Variants in OTUD7A observed in about 807,000 individuals in gnomAD.
OTUD7A encodes OTU deubiquitinase 7A.
A neutral mutation model predicts 65.7 loss-of-function variants in OTUD7A; 12 were observed. The ratio of observed to expected loss-of-function variants is 0.18; its 90% confidence interval spans 0.12 to 0.30. The LOEUF (loss-of-function observed/expected upper bound fraction) is 0.30, where lower values mean the gene tolerates loss of function less well. Ranked by LOEUF, OTUD7A falls within the 10% of genes least tolerant of loss-of-function variation. The pLI is 1.00. For synonymous variants in OTUD7A, 641 were observed against 586.3 expected, an observed-to-expected ratio of 1.09 and a Z score of -1.35; for missense variants, 1,148 against 1,304.8, an observed-to-expected ratio of 0.88 and a Z score of 1.85.
At chr15:31,699,702 CCA>C (rs1399826560) in intron 1 of OTUD7A, among the ~76,000 whole-genome samples, 1 of 151,962 alleles carries the variant, frequency 6.6e-6, no homozygotes, top group Non-Finnish European at 1.5e-5. Context: ...CTCAGTGTGT[CCA>C]CACTGCTTGC....
chr15:31,682,996 CT>C (rs1334450572), intron 1 of OTUD7A, among the ~76,000 whole-genome samples: 1 of 152,152 alleles, frequency 6.6e-6, no homozygotes, highest in African/African-American at 2.4e-5. Context: ...TTCCAGTGGG[CT>C]GGTTGCTTAT....
chr15:31,717,927 A>G (rs4779916), intron 1 of OTUD7A, among the ~76,000 whole-genome samples: 149,646 of 152,258 alleles, frequency 0.98, 73,598 homozygotes, highest in East Asian at 1. Flanking sequence ...TTTAATGATC[A>G]CCATTCTAAC....
At chr15:31,829,810 C>T (rs1896887208) in intron 1 of OTUD7A, among the ~76,000 whole-genome samples, 1 of 152,220 alleles carries the variant, frequency 6.6e-6, no homozygotes, top group African/African-American at 2.4e-5. Context: ...CTGTTCCTTA[C>T]ACCTGAGTCT....
chr15:31,637,995 A>C (rs1379180594), intron 3 of OTUD7A, among the ~76,000 whole-genome samples: 1 of 152,268 alleles, frequency 6.6e-6, no homozygotes, highest in Admixed American at 6.5e-5. Context: ...CATTTGATAA[A>C]GCAGCAGCAA....
At chr15:31,493,612 C>T (rs1466098782) in intron 10 of OTUD7A, among the ~76,000 whole-genome samples, 1 of 152,192 alleles carries the variant, frequency 6.6e-6, no homozygotes, top group East Asian at 1.9e-4. Context: ...CAACACAGAA[C>T]ATATTCTTAG....
chr15:31,843,443 T>C (rs1427003258), intron 1 of OTUD7A, among the ~76,000 whole-genome samples: 1 of 152,138 alleles, frequency 6.6e-6, no homozygotes, highest in Non-Finnish European at 1.5e-5. Flanking sequence ...TCCACACCTA[T>C]GCTACTTTTC....
intron 1 of OTUD7A, among the ~76,000 whole-genome samples, chr15:31,736,829 T>TG (rs1448482289): frequency 4.7e-5 from 7 of 148,016 alleles, no homozygotes; most frequent in South Asian, 2.1e-4. Flanking sequence ...TTCTTTTTTT[T>TG]GGGGGGGCGG....
chr15:31,681,535 C>A (rs1442719001), intron 1 of OTUD7A, among the ~76,000 whole-genome samples: 1 of 151,798 alleles, frequency 6.6e-6, no homozygotes, highest in South Asian at 2.1e-4. Flanking sequence ...TACCCGTATG[C>A]CTATGAATGT....
At chr15:31,783,291 G>C (rs573950858) in intron 1 of OTUD7A, among the ~76,000 whole-genome samples, 1 of 152,146 alleles carries the variant, frequency 6.6e-6, no homozygotes, top group East Asian at 1.9e-4. Context: ...TCTCTCCCCC[G>C]TCTAGGGGCT....
rs4779534 is a variant in OTUD7A at position 31,480,535 on chromosome 15, C to G, written c.*2759G>C. On this transcript the variant is annotated 3_prime_UTR_variant, in exon 13 of 13. Transcript: ENST00000307050. ...CCCTTTCTCCCTGCTCCACAAAGGGCCCTCACGCCATGGAACACGAGGGAA... is the reference window on the plus strand; with the variant it reads ...CCCTTTCTCCCTGCTCCACAAAGGGGCCTCACGCCATGGAACACGAGGGAA... 0.25 allele frequency: 37,703 copies of G among 152,216 alleles called. 5,268 individuals are homozygous for G. Among genetic ancestry groups the G allele is most frequent in the East Asian group, 0.37 (1,913 of 5,162 alleles). The allele number at this position is 152,216 out of a possible 1,614,324, so 9.4% of individuals were successfully genotyped here.
At chr15:31,785,040 A>T (rs1466776257) in intron 1 of OTUD7A, among the ~76,000 whole-genome samples, 1 of 152,184 alleles carries the variant, frequency 6.6e-6, no homozygotes, top group South Asian at 2.1e-4. Context: ...TATGGCACTG[A>T]TGCATGTAAA....
intron 1 of OTUD7A, among the ~76,000 whole-genome samples, chr15:31,668,517 GCTCT>G (rs1181272032): frequency 2.0e-5 from 3 of 152,080 alleles, no homozygotes; most frequent in Non-Finnish European, 4.4e-5. Context: ...TTTTCTTTAA[GCTCT>G]CTATTTCCTT....
At chr15:31,572,027 AC>A (rs1889070989) in intron 3 of OTUD7A, among the ~76,000 whole-genome samples, 1 of 152,000 alleles carries the variant, frequency 6.6e-6, no homozygotes, top group South Asian at 2.1e-4. Flanking sequence ...CTTAATTTAT[AC>A]CCTCCTTTGA....
intron 10 of OTUD7A, among the ~76,000 whole-genome samples, chr15:31,500,836 G>A (rs942646391): frequency 9.2e-5 from 14 of 152,344 alleles, no homozygotes; most frequent in African/African-American, 3.4e-4. Flanking sequence ...GGTCTTGCCT[G>A]TCCGTCTGTC....
At chr15:31,665,235 T>C (rs1422950486) in intron 1 of OTUD7A, among the ~76,000 whole-genome samples, 11 of 152,356 alleles carry the variant, frequency 7.2e-5, no homozygotes, top group Middle Eastern at 6.8e-3. Flanking sequence ...ACTGAATTTG[T>C]AGATTGCTTT....
At chr15:31,638,156 T>G (rs1381563467) in intron 3 of OTUD7A, among the ~76,000 whole-genome samples, 3 of 152,140 alleles carry the variant, frequency 2.0e-5, no homozygotes, top group Admixed American at 1.3e-4. Context: ...TTTAAGAAAT[T>G]GTCACAGCCA....
At chr15:31,740,216 G>A (rs1894302814) in intron 1 of OTUD7A, among the ~76,000 whole-genome samples, 1 of 152,154 alleles carries the variant, frequency 6.6e-6, no homozygotes, top group Admixed American at 6.5e-5. Context: ...AGCCCCAGAG[G>A]CTGGAACAGC....
At chr15:31,508,777 T>C (rs1297409563) in intron 8 of OTUD7A, among the ~76,000 whole-genome samples, 2 of 152,276 alleles carry the variant, frequency 1.3e-5, no homozygotes, top group East Asian at 3.8e-4. Context: ...TTTTGTTGCG[T>C]ATTCTGGGGC....
chr15:31,486,734 T>A (rs2041243095), intron 12 of OTUD7A, among the ~76,000 whole-genome samples: 1 of 152,220 alleles, frequency 6.6e-6, no homozygotes, highest in Non-Finnish European at 1.5e-5. Context: ...GCGCTCTCAG[T>A]TCCCTGGCTT....
Sources: allele counts gnomAD v4.1 joint callset (sites outside exome capture counted in the v4.1 genomes callset), GRCh38; gene constraint gnomAD v4.1.1; transcripts MANE v1.5; gene names NCBI Gene and HGNC (gene_info 2026-07-23, HGNC 2026-07-21).